The following ZNF831 variants were observed in gnomAD, a reference collection of about 807,000 sequenced individuals.
The protein encoded by ZNF831 is chromosome 20 open reading frame 174.
In ZNF831, 59 loss-of-function variants were observed where a neutral mutation model predicts 95.8. That is an observed-to-expected ratio of 0.62 (90% CI 0.50 to 0.77). The LOEUF (loss-of-function observed/expected upper bound fraction) is 0.77. Among genes scored for constraint, ZNF831 ranks in the 30% least tolerant of loss-of-function variants. The pLI, the probability that ZNF831 is intolerant of heterozygous loss-of-function variation, is 0.00. For missense variants in ZNF831, 2,205 were observed against 2,164.0 expected (o/e 1.02, Z -0.38); for synonymous variants, 961 against 925.5 (o/e 1.04, Z -0.70).
intron 1 of ZNF831, among the ~76,000 whole-genome samples, chr20:59,137,478 C>A (rs1341245195): frequency 2.0e-5 from 3 of 152,108 alleles, no homozygotes; most frequent in African/African-American, 7.2e-5. Context: ...TTTTTAGGTT[C>A]TCTTGGTGGC....
intron 4 of ZNF831, among the ~76,000 whole-genome samples, chr20:59,228,009 A>G (rs1986521634): frequency 6.6e-6 from 1 of 152,214 alleles, no homozygotes; most frequent in Non-Finnish European, 1.5e-5. Flanking sequence ...TTGCAAATAA[A>G]TATTCAGAAA....
In ZNF831 at chr20:59,194,006, C is replaced by G. The variant is rs776533314; in HGVS notation, c.2987C>G (p.Pro996Arg). ...CTTTCTCCCAGCCCAGCCTCAGGCC[C>G]CTCCCCAGGTGAGGCGGACAGCATC... is the stretch of plus-strand genomic sequence containing the variant. ...TPLSPSPASGPSPGEADSILE... is the reference protein window; with the variant it reads ...TPLSPSPASGRSPGEADSILE... Residue 996 changes from proline to arginine, a missense_variant, in exon 2 of 6, where the codon CCC (proline) becomes CGC (arginine). Pro to Arg is a moderately radical substitution (Grantham distance 103). Transcript: ENST00000371030. 6.5e-7 allele frequency: 1 copy of G among 1,529,858 alleles called. No homozygotes were observed. The highest frequency in any genetic ancestry group is 2.1e-5 in the Admixed American group (1 of 48,136). The allele number at this position is 1,529,858 out of a possible 1,614,324, so 94.8% of individuals were successfully genotyped here. A position where few individuals can be genotyped will look rare whatever the true frequency, so the allele number is the denominator to read the frequency against.
At position 59,194,573 on chromosome 20, in the gene ZNF831, G is replaced by T. The variant is rs766203993; in HGVS notation, c.3554G>T (p.Trp1185Leu). 1 of 1,608,712 alleles carries T rather than the reference G, an allele frequency of 6.2e-7. No individual in the cohort carries two copies. Among genetic ancestry groups the T allele is most frequent in the Non-Finnish European group, 8.5e-7 (1 of 1,177,098 alleles). The change falls in exon 2 of 6, where the codon TGG (tryptophan) becomes TTG (leucine). Residue 1185 changes from tryptophan (W) to leucine (L), a missense_variant. Transcript: ENST00000371030. ...CTGAAGGCTGAGCCGCGGCTCACGTGGTGTTGCCTGAGCCGCAGTGTCCCT... is the reference window on the plus strand; with the variant it reads ...CTGAAGGCTGAGCCGCGGCTCACGTTGTGTTGCCTGAGCCGCAGTGTCCCT... ...PSLKAEPRLT[W>L]CCLSRSVPLP... is the part of the protein sequence containing the mutation.
chr20:59,236,577 T>C (rs74558045), intron 4 of ZNF831, among the ~76,000 whole-genome samples: 1 of 150,530 alleles, frequency 6.6e-6, no homozygotes, highest in South Asian at 2.1e-4. Flanking sequence ...TTTTTTTTTT[T>C]CAGAGGTGGG....
chr20:59,191,332 G>C lies in ZNF831; in HGVS notation c.313G>C (p.Val105Leu), dbSNP rs371038563. The C allele has an allele frequency of 6.2e-7, 1 of 1,604,106 alleles. No individual in the cohort carries two copies. The highest frequency in any genetic ancestry group is 8.5e-7 in the Non-Finnish European group (1 of 1,175,418). The change falls in exon 2 of 6, where the codon GTG becomes CTG. Residue 105 changes from valine (V) to leucine (L), a missense_variant. By Grantham distance (32) the Val-to-Leu change is conservative. Transcript: ENST00000371030. ...LQPEGPGPTQ[V>L]GKPAAPTLTV... The stretch of plus-strand genomic sequence containing the variant: ...GCCTGAAGGGCCTGGCCCCACCCAG[G>C]TGGGGAAGCCGGCGGCCCCTACGCT...
At chr20:59,131,733 G>A (rs1284964243) in intron 1 of ZNF831, among the ~76,000 whole-genome samples, 1 of 152,164 alleles carries the variant, frequency 6.6e-6, no homozygotes, top group Admixed American at 6.5e-5. Flanking sequence ...ACAGCCCCAG[G>A]GAGGTGTGAA....
chr20:59,184,903 T>C (rs1982890639), intron 1 of ZNF831, among the ~76,000 whole-genome samples: 1 of 152,124 alleles, frequency 6.6e-6, no homozygotes, highest in South Asian at 2.1e-4. Flanking sequence ...AAGCTGCACA[T>C]TTGCGCCAAA....
chr20:59,126,837 G>A lies in ZNF831; in HGVS notation c.-1425+3332G>A, dbSNP rs140235482. On this transcript the variant is annotated intron_variant, in intron 1 of 7. Coordinates refer to the ZNF831 transcript ENST00000637017. The stretch of plus-strand genomic sequence containing the variant: ...GAAGCTCATGGGTCACTCTGGCTCC[G>A]TCGTCTTTGTGGCTTCTCCTCTTCT... Among the ~76,000 whole-genome samples the A allele has an allele frequency of 8.7e-3, 1,331 of 152,308 alleles. 13 individuals carry two copies. Among genetic ancestry groups the A allele is most frequent in the African/African-American group, 0.031 (1,277 of 41,564 alleles).
At chr20:59,128,761 ATTAT>A (rs1276369606) in intron 1 of ZNF831, among the ~76,000 whole-genome samples, 1 of 152,016 alleles carries the variant, frequency 6.6e-6, no homozygotes, top group Non-Finnish European at 1.5e-5. Flanking sequence ...TTATTTTGAA[ATTAT>A]TTATTTATTT....
At position 59,254,885 on chromosome 20, in the gene ZNF831, A is replaced by G. The variant is rs2146775615; in HGVS notation, c.*142A>G. 4 of 1,173,102 alleles carry G rather than the reference A, an allele frequency of 3.4e-6. No homozygotes were observed. The highest frequency in any genetic ancestry group is 2.8e-5 in the Admixed American group (1 of 35,640). The allele number at this position is 1,173,102 out of a possible 1,614,324, so 72.7% of individuals were successfully genotyped here. On this transcript the variant is annotated 3_prime_UTR_variant, in exon 6 of 6. Transcript: ENST00000371030. This position sits in a 1 kb window ranked among gnomAD's most constrained non-coding sequence, Gnocchi z 4.5. ...GCCATTTTGAGTTATTTACAAGCCAACTCCAACCAACTTCTGACCCCCAAC... is the reference window on the plus strand; with the variant it reads ...GCCATTTTGAGTTATTTACAAGCCAGCTCCAACCAACTTCTGACCCCCAAC...
At chr20:59,139,873 G>T (rs548160661) in intron 1 of ZNF831, among the ~76,000 whole-genome samples, 1 of 152,326 alleles carries the variant, frequency 6.6e-6, no homozygotes, top group South Asian at 2.1e-4. Context: ...AAACATTGAT[G>T]AGTCTGAATT....
chr20:59,223,713 G>A (rs1336035883), intron 4 of ZNF831, among the ~76,000 whole-genome samples: 2 of 152,230 alleles, frequency 1.3e-5, no homozygotes, highest in African/African-American at 4.8e-5. Flanking sequence ...AACCTTGGCT[G>A]TTGTGTGGTG....
At chr20:59,186,453 C>A (rs260012) in intron 1 of ZNF831, among the ~76,000 whole-genome samples, 1 of 152,110 alleles carries the variant, frequency 6.6e-6, no homozygotes, top group Non-Finnish European at 1.5e-5. Context: ...GGAGCGCTTA[C>A]TCTGTGCTGG....
chr20:59,132,167 C>T (rs1467224985), intron 1 of ZNF831, among the ~76,000 whole-genome samples: 1 of 152,044 alleles, frequency 6.6e-6, no homozygotes, highest in Non-Finnish European at 1.5e-5. Context: ...ATGATAGAGT[C>T]ATCTTTGTGA....
At chr20:59,189,141 A>C (rs1447385837) in intron 1 of ZNF831, among the ~76,000 whole-genome samples, 1 of 152,084 alleles carries the variant, frequency 6.6e-6, no homozygotes, top group Non-Finnish European at 1.5e-5. Flanking sequence ...AGATCGCACC[A>C]CTGCACTCCA....
chr20:59,148,504 AC>A (rs1428513085), intron 2 of ZNF831, among the ~76,000 whole-genome samples: 2 of 141,156 alleles, frequency 1.4e-5, no homozygotes, highest in African/African-American at 5.4e-5. Context: ...ACACGGTGAA[AC>A]CCCGTCTCTA....
intron 4 of ZNF831, among the ~76,000 whole-genome samples, chr20:59,211,779 T>TTG (rs11472424): frequency 0.15 from 22,327 of 146,658 alleles, 1,981 homozygotes; most frequent in African/African-American, 0.26. Flanking sequence ...GGAGCTGACC[T>TTG]TGTGTGTGTG....
intron 1 of ZNF831, among the ~76,000 whole-genome samples, chr20:59,131,010 TGCTCAGTAAACATGAGATGTGTCTC>T (rs1255476880): frequency 2.6e-5 from 4 of 152,240 alleles, no homozygotes; most frequent in Middle Eastern, 3.4e-3. Flanking sequence ...GCATGGTAGG[TGCTCAGTAAACATGAGATGTGTCTC>T]GCTCAGTAAA....
chr20:59,251,989 T>C (rs1442205924), intron 4 of ZNF831, among the ~76,000 whole-genome samples: 4 of 152,254 alleles, frequency 2.6e-5, no homozygotes, highest in Admixed American at 2.6e-4. Context: ...AGAGGTGGAA[T>C]GTGTGCTTGT....
Sources: allele counts gnomAD v4.1 joint callset (sites outside exome capture counted in the v4.1 genomes callset), GRCh38; gene constraint gnomAD v4.1.1; non-coding constraint Gnocchi (gnomAD v3.1); transcripts MANE v1.5; gene names NCBI Gene and HGNC (gene_info 2026-07-23, HGNC 2026-07-21).